ANKRD11: variants seen among roughly 807,000 people sequenced by gnomAD.
ANKRD11 encodes ankyrin repeat domain 11.
In ANKRD11, 17 loss-of-function variants were observed where a neutral mutation model predicts 195.7. The observed-to-expected ratio is 0.09, with a 90% CI of 0.06 to 0.13. The LOEUF (loss-of-function observed/expected upper bound fraction) is 0.13, where lower values mean the gene tolerates loss of function less well. Ranked by LOEUF, ANKRD11 falls within the 10% of genes least tolerant of loss-of-function variation. ANKRD11 has a pLI of 1.00. For synonymous variants in ANKRD11, 1,953 were observed against 1,528.1 expected, an observed-to-expected ratio of 1.28 and a Z score of -6.49; for missense variants, 3,735 against 3,566.1, an observed-to-expected ratio of 1.05 and a Z score of -1.21.
chr16:89,313,206 C>T, intron 3 of ANKRD11: 1 of 1,137,096 alleles, frequency 8.8e-7, no homozygotes, highest in Non-Finnish European at 1.1e-6. Context: ...GCTGCCTGTG[C>T]TCTGAGTGGC....
intron 9 of ANKRD11, chr16:89,278,737 C>G: frequency 1.9e-6 from 1 of 525,384 alleles, no homozygotes. Context: ...TGAGGCCGTC[C>G]TGGTGGACGG....
chr16:89,451,711 C>G lies in ANKRD11; in HGVS notation c.-144-33343G>C, dbSNP rs1477067482. 2.0e-5 allele frequency among the ~76,000 whole-genome samples: 3 copies of G among 152,190 alleles called. No individual in the cohort carries two copies. The East Asian group carries it at 5.8e-4, about 29-fold the overall frequency. On this transcript the variant is annotated intron_variant, in intron 1 of 12. Coordinates refer to ENST00000301030, the MANE Select transcript of ANKRD11 (RefSeq NM_013275.6). ...GGATTACAGGCTAGAGCCACCGCAC[C>G]TGGCCCATTTCACAAATTACTTTTA...
intron 4 of ANKRD11, among the ~76,000 whole-genome samples, chr16:89,292,869 G>A (rs2035155926): frequency 1.3e-5 from 2 of 152,248 alleles, no homozygotes; most frequent in Admixed American, 6.5e-5. Flanking sequence ...TGCGCCCCAT[G>A]CTTTCCCTGC....
At position 89,377,995 on chromosome 16, in the gene ANKRD11, TAAC is replaced by T. The variant is rs373386665; in HGVS notation, c.-60+40286_-60+40288del. 3.1e-3 allele frequency among the ~76,000 whole-genome samples: 476 copies of T among 152,260 alleles called. 5 individuals are homozygous for T. Among genetic ancestry groups the T allele is most frequent in the African/African-American group, 0.011 (447 of 41,538 alleles). On this transcript the variant is annotated intron_variant, in intron 2 of 12. Transcript: ENST00000301030. ...TATTTTCTCTTCCTTATGATTTTCT[TAAC>T]AACACCTTCTTTTCTCTAGCTTACT... is the stretch of plus-strand genomic sequence containing the variant.
At position 89,313,730 on chromosome 16, in the gene ANKRD11, G is replaced by A. The variant is rs946638830; in HGVS notation, c.87+3203C>T. The A allele has an allele frequency of 3.6e-5, 20 of 558,156 alleles. 1 individual carries two copies. Among genetic ancestry groups the A allele is most frequent in the South Asian group, 3.4e-4 (19 of 56,610 alleles). The allele number at this position is 558,156 out of a possible 1,614,324, so 34.6% of individuals were successfully genotyped here. On this transcript the variant is annotated intron_variant, in intron 3 of 12. Coordinates refer to ENST00000301030, the MANE Select transcript of ANKRD11 (RefSeq NM_013275.6). The stretch of plus-strand genomic sequence containing the variant: ...GTGCACCTGAGTTCTGGCACTTGGG[G>A]CTCACTTCCTCCCTAAGGAATACAG...
chr16:89,459,028 A>C (rs528109282), intron 1 of ANKRD11: 1 of 156,298 alleles, frequency 6.4e-6, no homozygotes, highest in Non-Finnish European at 1.4e-5. Flanking sequence ...AAACTATACT[A>C]AACAAGGGAA....
intron 2 of ANKRD11, among the ~76,000 whole-genome samples, chr16:89,374,034 G>A (rs1454692962): frequency 6.6e-6 from 1 of 152,236 alleles, no homozygotes; most frequent in African/African-American, 2.4e-5. Flanking sequence ...CTTCTGCAAA[G>A]CCAGAGTGGA....
At chr16:89,288,845 C>G (rs575702159) in intron 6 of ANKRD11, 175 bp from the exon 7 acceptor site, 67 of 813,830 alleles carry the variant, frequency 8.2e-5, no homozygotes, top group African/African-American at 8.0e-4. Context: ...CCCCTAAATT[C>G]TCTTTACTGT....
intron 3 of ANKRD11, among the ~76,000 whole-genome samples, chr16:89,312,084 G>C (rs1432964638): frequency 6.6e-6 from 1 of 152,200 alleles, no homozygotes; most frequent in Non-Finnish European, 1.5e-5. Flanking sequence ...TTTTAGTAGA[G>C]ATGGGGTTTT....
At chr16:89,314,351 A>C (rs2036813139) in intron 3 of ANKRD11, among the ~76,000 whole-genome samples, 1 of 152,226 alleles carries the variant, frequency 6.6e-6, no homozygotes, top group Non-Finnish European at 1.5e-5. Context: ...AAATCCACAC[A>C]TCCCTCACAG....
At chr16:89,320,421 G>A (rs1028193400) in intron 2 of ANKRD11, 2 of 152,138 alleles carry the variant, frequency 1.3e-5, no homozygotes, top group African/African-American at 4.8e-5. Flanking sequence ...ACTGAAACAC[G>A]CCTCAGGCCA....
chr16:89,360,913 G>C (rs1201689252), intron 2 of ANKRD11, among the ~76,000 whole-genome samples: 1 of 152,180 alleles, frequency 6.6e-6, no homozygotes, highest in Non-Finnish European at 1.5e-5. Context: ...ACGGTCTCTT[G>C]CCCCTGCACT....
rs562282577 is a variant in ANKRD11, at chr16:89,462,678, G to A, written c.-145+27567C>T. 4.7e-3 allele frequency among the ~76,000 whole-genome samples: 699 copies of A among 150,034 alleles called. 6 individuals carry two copies. Among genetic ancestry groups the A allele is most frequent in the African/African-American group, 0.013 (548 of 40,604 alleles). On this transcript the variant is annotated intron_variant, in intron 1 of 12. Coordinates refer to ENST00000301030, the MANE Select transcript of ANKRD11 (RefSeq NM_013275.6). ...TAGGAAGTGAGGAGCGTCTCTGCCC[G>A]GCCGCCCATCGTCTGAGATGTGGGG...
intron 1 of ANKRD11, among the ~76,000 whole-genome samples, chr16:89,472,181 A>C (rs1437037949): frequency 6.6e-6 from 1 of 152,170 alleles, no homozygotes; most frequent in South Asian, 2.1e-4. Flanking sequence ...GCTGCTGTCA[A>C]CACTGCCCAA....
At position 89,325,670 on chromosome 16, in the gene ANKRD11, C is replaced by T. The variant is rs1053818953; in HGVS notation, c.-59-8592G>A. On this transcript the variant is annotated intron_variant, in intron 2 of 12. Transcript: ENST00000301030. ...TGAAACGGGTTCTAAGTGAAGGCTG[C>T]GGAGGCGTTTGCTTTGTGGTCTGCT... is the stretch of plus-strand genomic sequence containing the variant. Among the ~76,000 whole-genome samples, 20 of 152,318 alleles carry T rather than the reference C, an allele frequency of 1.3e-4. No homozygotes were observed. In the East Asian group the frequency reaches 2.1e-3, roughly 16 times the overall value.
At chr16:89,440,830 C>G (rs996074925) in intron 1 of ANKRD11, among the ~76,000 whole-genome samples, 8 of 152,232 alleles carry the variant, frequency 5.3e-5, no homozygotes, top group African/African-American at 1.9e-4. Context: ...GTGGCATCAA[C>G]AGGAACATCT....
chr16:89,351,824 T>C (rs761355311), intron 2 of ANKRD11, among the ~76,000 whole-genome samples: 16 of 152,172 alleles, frequency 1.1e-4, no homozygotes, highest in Non-Finnish European at 1.5e-4. Context: ...GTCCTGGTGG[T>C]TGAACAGACC....
At chr16:89,307,901 G>A (rs1360097435) in intron 3 of ANKRD11, among the ~76,000 whole-genome samples, 2 of 152,266 alleles carry the variant, frequency 1.3e-5, no homozygotes, top group Non-Finnish European at 2.9e-5. Context: ...CTCAGAACCT[G>A]ATGAGGGAAA....
At chr16:89,473,061 C>G (rs1306231204) in intron 1 of ANKRD11, among the ~76,000 whole-genome samples, 1 of 151,974 alleles carries the variant, frequency 6.6e-6, no homozygotes, top group East Asian at 1.9e-4. Flanking sequence ...TGTGGTGGTA[C>G]ACACCTGTGG....
Sources: gnomAD v4.1 joint callset for allele counts (sites outside exome capture counted in the v4.1 genomes callset) on GRCh38, gnomAD v4.1.1 for gene constraint, MANE v1.5 for transcripts, NCBI Gene and HGNC (gene_info 2026-07-23, HGNC 2026-07-21) for gene names.